Variants in PDE10A observed in about 807,000 individuals in gnomAD.
The protein encoded by PDE10A is phosphodiesterase 10A.
A neutral mutation model predicts 97.7 loss-of-function variants in PDE10A; 39 were observed. That is an observed-to-expected ratio of 0.40 (90% CI 0.31 to 0.52). PDE10A has a LOEUF of 0.52. Among genes scored for constraint, PDE10A ranks in the 20% least tolerant of loss-of-function variants. The probability of loss-of-function intolerance (pLI) is 0.56; values close to 1 mark genes in which losing one functional copy is unlikely to be tolerated. For missense variants in PDE10A, 731 were observed against 1,047.8 expected (o/e 0.70, Z 4.17); for synonymous variants, 371 against 376.8 (o/e 0.98, Z 0.18).
chr6:165,952,180 C>A (rs553462616), intron 1 of PDE10A, among the ~76,000 whole-genome samples: 3 of 152,346 alleles, frequency 2.0e-5, no homozygotes, highest in Admixed American at 1.3e-4. Context: ...CGCCTCTCAG[C>A]CAGCAAGCTG....
intron 2 of PDE10A, among the ~76,000 whole-genome samples, chr6:165,542,643 C>CGG (rs1452925061): frequency 1.1e-5 from 1 of 90,522 alleles, no homozygotes; most frequent in Non-Finnish European, 1.9e-5. Context: ...TTTTTTGAGA[C>CGG]AGTCTTGCTC....
At chr6:165,930,865 C>A (rs940400502) in intron 1 of PDE10A, among the ~76,000 whole-genome samples, 2 of 152,196 alleles carry the variant, frequency 1.3e-5, no homozygotes, top group Admixed American at 1.3e-4. Context: ...TGGCTCTTCG[C>A]AGGATCAGGA....
rs1173793654 is a variant in PDE10A, at chr6:165,943,265, AGG to A, written c.-615+44262_-615+44263del. Among the ~76,000 whole-genome samples the A allele has an allele frequency of 6.1e-3, 748 of 123,186 alleles. 74 individuals are homozygous for A. Among genetic ancestry groups the A allele is most frequent in the African/African-American group, 7.8e-3 (222 of 28,396 alleles). The allele number at this position is 123,186 out of a possible 152,430, so 80.8% of individuals were successfully genotyped here. On this transcript the variant is annotated intron_variant, in intron 1 of 19. Transcript: ENST00000366882. ...AAGGAAGGAAGGAAGGAAGGAAGGA[AGG>A]AAGGAAGGAAAGAAAGAAAGAAAGA...
intron 3 of PDE10A, among the ~76,000 whole-genome samples, chr6:165,469,300 G>C (rs538217816): frequency 6.6e-6 from 1 of 152,280 alleles, no homozygotes; most frequent in South Asian, 2.1e-4. Context: ...GGGGTCAGTA[G>C]GAACTATTTC....
At chr6:165,882,108 C>G (rs1781496722) in intron 1 of PDE10A, among the ~76,000 whole-genome samples, 1 of 152,180 alleles carries the variant, frequency 6.6e-6, no homozygotes, top group Non-Finnish European at 1.5e-5. Context: ...TAAGTGAAAG[C>G]TGAAGTGTGA....
rs571266302 is a variant in PDE10A, at chr6:165,975,464, A to G, written c.-615+12065T>C. ...TATTAAAATTTTTTTTTAAAGGAGA[A>G]CTCAATCATTCAGTCACACATTCAT... is the stretch of plus-strand genomic sequence containing the variant. On this transcript the variant is annotated intron_variant, in intron 1 of 19. Transcript: ENST00000366882. Among the ~76,000 whole-genome samples the G allele has an allele frequency of 3.3e-5, 5 of 152,298 alleles. No homozygotes were observed. The South Asian group carries it at 1.0e-3, about 32-fold the overall frequency.
At chr6:165,580,943 T>C (rs1785583984) in intron 1 of PDE10A, among the ~76,000 whole-genome samples, 1 of 152,132 alleles carries the variant, frequency 6.6e-6, no homozygotes, top group Non-Finnish European at 1.5e-5. Context: ...AGAAAGAAGA[T>C]GGTAAGTCTC....
chr6:165,691,106 T>TCTCTCTCTCTCTCTCTC (rs143783728), intron 1 of PDE10A, among the ~76,000 whole-genome samples: 1 of 39,130 alleles, frequency 2.6e-5, no homozygotes, highest in African/African-American at 1.1e-4. Context: ...TCTTTCTCTC[T>TCTCTCTCTCTCTCTCTC]CCCCCCCCCC....
intron 1 of PDE10A, among the ~76,000 whole-genome samples, chr6:165,592,673 T>G (rs997221739): frequency 1.3e-5 from 2 of 152,154 alleles, no homozygotes; most frequent in African/African-American, 4.8e-5. Context: ...AAAACATTTA[T>G]GTGGCCAACA....
chr6:165,688,935 A>T (rs932210134), intron 1 of PDE10A, among the ~76,000 whole-genome samples: 31 of 152,102 alleles, frequency 2.0e-4, no homozygotes, highest in African/African-American at 7.5e-4. Context: ...GCCTTGTTAT[A>T]TTGTTTTTAT....
At chr6:165,673,209 G>C (rs557938508) in intron 1 of PDE10A, among the ~76,000 whole-genome samples, 2 of 152,154 alleles carry the variant, frequency 1.3e-5, no homozygotes, top group African/African-American at 2.4e-5. Context: ...AAGGAGAAAG[G>C]GATGTGCACT....
At chr6:165,767,010 AG>A (rs1251857809) in intron 1 of PDE10A, among the ~76,000 whole-genome samples, 1 of 152,224 alleles carries the variant, frequency 6.6e-6, no homozygotes, top group African/African-American at 2.4e-5. Context: ...CACAAATAAC[AG>A]GCTTGACTTC....
intron 3 of PDE10A, among the ~76,000 whole-genome samples, chr6:165,455,280 T>C (rs966261691): frequency 6.6e-6 from 1 of 151,938 alleles, no homozygotes; most frequent in African/African-American, 2.4e-5. Context: ...ATCAATGAAG[T>C]TTTAGCTCAA....
At chr6:165,877,769 T>C (rs1052065475) in intron 1 of PDE10A, among the ~76,000 whole-genome samples, 4 of 152,188 alleles carry the variant, frequency 2.6e-5, no homozygotes, top group Non-Finnish European at 5.9e-5. Flanking sequence ...TAACTAACGT[T>C]CTCGAAGAGC....
At chr6:165,539,161 T>C (rs1223965108) in intron 2 of PDE10A, among the ~76,000 whole-genome samples, 1 of 152,192 alleles carries the variant, frequency 6.6e-6, no homozygotes, top group Non-Finnish European at 1.5e-5. Flanking sequence ...CTAATTTCCA[T>C]ATATCACTGA....
At chr6:165,411,497 G>T (rs893597148) in intron 13 of PDE10A, among the ~76,000 whole-genome samples, 1 of 152,102 alleles carries the variant, frequency 6.6e-6, no homozygotes, top group African/African-American at 2.4e-5. Flanking sequence ...AGGAAAACAG[G>T]CTTCAGGAGA....
intron 1 of PDE10A, among the ~76,000 whole-genome samples, chr6:165,849,136 T>G (rs1330353445): frequency 6.6e-6 from 1 of 152,226 alleles, no homozygotes; most frequent in African/African-American, 2.4e-5. Flanking sequence ...TTTTCTATTT[T>G]TATTATTTTA....
intron 1 of PDE10A, among the ~76,000 whole-genome samples, chr6:165,609,839 C>G (rs1407083149): frequency 1.3e-5 from 2 of 152,190 alleles, no homozygotes; most frequent in East Asian, 1.9e-4. Context: ...CTACAAACCA[C>G]TGCTCAACTA....
intron 1 of PDE10A, among the ~76,000 whole-genome samples, chr6:165,959,724 C>T (rs62425368): frequency 1.3e-5 from 2 of 152,008 alleles, no homozygotes; most frequent in Non-Finnish European, 2.9e-5. Context: ...TGAGACCTCC[C>T]GAGTAGGGTC....
Sources: allele counts gnomAD v4.1 joint callset (sites outside exome capture counted in the v4.1 genomes callset), GRCh38; gene constraint gnomAD v4.1.1; transcripts MANE v1.5; gene names NCBI Gene and HGNC (gene_info 2026-07-23, HGNC 2026-07-21).